The following CCSER1 variants were observed in gnomAD, a reference collection of about 807,000 sequenced individuals.
CCSER1 encodes the protein coiled-coil serine rich protein 1.
CCSER1 carries 41 observed loss-of-function variants against 82.0 expected under a neutral mutation model. The ratio of observed to expected loss-of-function variants is 0.50; its 90% CI spans 0.39 to 0.65. The LOEUF (loss-of-function observed/expected upper bound fraction) is 0.65, where lower values mean the gene tolerates loss of function less well. Among genes scored for constraint, CCSER1 ranks in the 30% least tolerant of loss-of-function variants. The probability of loss-of-function intolerance (pLI) is 0.00; values close to 1 mark genes in which losing one functional copy is unlikely to be tolerated. For synonymous variants in CCSER1, 414 were observed against 383.9 expected, an observed-to-expected ratio of 1.08 and a Z score of -0.92; for missense variants, 1,119 against 1,064.2, an observed-to-expected ratio of 1.05 and a Z score of -0.72.
At chr4:90,705,826 C>G (rs900578822) in intron 6 of CCSER1, among the ~76,000 whole-genome samples, 2 of 152,306 alleles carry the variant, frequency 1.3e-5, no homozygotes, top group Middle Eastern at 3.4e-3. Flanking sequence ...ATTGGAAAAT[C>G]ACAGTATTAG....
chr4:90,989,000 G>T (rs1736810578), intron 9 of CCSER1, among the ~76,000 whole-genome samples: 1 of 151,756 alleles, frequency 6.6e-6, no homozygotes, highest in South Asian at 2.1e-4. Context: ...ATAAGCTACA[G>T]AATATATATT....
intron 9 of CCSER1, among the ~76,000 whole-genome samples, chr4:90,988,259 A>C (rs1736727017): frequency 6.9e-6 from 1 of 144,908 alleles, no homozygotes; most frequent in South Asian, 2.3e-4. Flanking sequence ...CCCTTGAGCC[A>C]GGAAGGTCAA....
At chr4:91,185,399 C>A (rs928925546) in intron 10 of CCSER1, among the ~76,000 whole-genome samples, 2 of 152,240 alleles carry the variant, frequency 1.3e-5, no homozygotes, top group Non-Finnish European at 2.9e-5. Context: ...TTAAACTAGA[C>A]CTTCCTAAAA....
At chr4:90,733,607 T>C (rs1745135286) in intron 7 of CCSER1, among the ~76,000 whole-genome samples, 1 of 152,178 alleles carries the variant, frequency 6.6e-6, no homozygotes. Context: ...GTCTACTCCA[T>C]GGTCCTGGAG....
intron 4 of CCSER1, among the ~76,000 whole-genome samples, chr4:90,411,344 T>C (rs1161832765): frequency 6.6e-6 from 1 of 152,058 alleles, no homozygotes; most frequent in Non-Finnish European, 1.5e-5. Flanking sequence ...GAGACCAATA[T>C]CCCTGATGAA....
chr4:91,313,080 A>G lies in CCSER1; in HGVS notation c.2217+227086A>G, dbSNP rs147022419. ...TGTTCCATGACATTCAAAGATTTTC[A>G]TCCAAGTCTATACATAACACATTTT... is the stretch of plus-strand genomic sequence containing the variant. On this transcript the variant is annotated intron_variant, in intron 10 of 10. Coordinates refer to ENST00000509176, the MANE Select transcript of CCSER1 (RefSeq NM_001145065.2). 2.9e-4 allele frequency among the ~76,000 whole-genome samples: 44 copies of G among 152,032 alleles called. 1 individual carries two copies. The highest frequency in any genetic ancestry group is 1.0e-3 in the African/African-American group (42 of 41,536).
intron 1 of CCSER1, among the ~76,000 whole-genome samples, chr4:90,243,729 C>A (rs1337714412): frequency 1.3e-5 from 2 of 152,036 alleles, no homozygotes; most frequent in African/African-American, 4.8e-5. Flanking sequence ...ACTTGACTTT[C>A]ATTATGTTTT....
intron 10 of CCSER1, among the ~76,000 whole-genome samples, chr4:91,386,273 A>G (rs543623728): frequency 3.3e-5 from 5 of 152,038 alleles, no homozygotes; most frequent in Non-Finnish European, 7.4e-5. Flanking sequence ...GTCACAGGGG[A>G]TATCTTGAAG....
intron 1 of CCSER1, among the ~76,000 whole-genome samples, chr4:90,134,581 A>G (rs575455613): frequency 2.0e-5 from 3 of 152,356 alleles, no homozygotes; most frequent in South Asian, 4.1e-4. Context: ...TCATGCAGAG[A>G]AAGTTCAGAC....
At chr4:91,413,192 C>A (rs552806973) in intron 10 of CCSER1, among the ~76,000 whole-genome samples, 4 of 152,024 alleles carry the variant, frequency 2.6e-5, no homozygotes, top group Non-Finnish European at 5.9e-5. Context: ...CCTGTAATCC[C>A]GGCACTTTGG....
chr4:91,412,980 T>A (rs1410219209), intron 10 of CCSER1, among the ~76,000 whole-genome samples: 1 of 151,368 alleles, frequency 6.6e-6, no homozygotes, highest in African/African-American at 2.4e-5. Context: ...CTAAATGATA[T>A]TAGGAAAAAA....
chr4:90,859,240 G>A (rs1764794047), intron 8 of CCSER1, among the ~76,000 whole-genome samples: 1 of 151,820 alleles, frequency 6.6e-6, no homozygotes, highest in Admixed American at 6.6e-5. Flanking sequence ...CAGGCTAAAG[G>A]AATAATAGGG....
intron 10 of CCSER1, among the ~76,000 whole-genome samples, chr4:91,373,511 A>G (rs1030485386): frequency 3.3e-5 from 5 of 152,122 alleles, no homozygotes; most frequent in Non-Finnish European, 7.4e-5. Flanking sequence ...ACACTGTCAA[A>G]TATGTCTATA....
chr4:91,065,497 C>G lies in CCSER1; in HGVS notation c.2173-20453C>G, dbSNP rs191226080. Among the ~76,000 whole-genome samples, 625 of 152,080 alleles carry G rather than the reference C, an allele frequency of 4.1e-3. 4 individuals are homozygous for G. The highest frequency in any genetic ancestry group is 0.014 in the African/African-American group (598 of 41,514). On this transcript the variant is annotated intron_variant, in intron 9 of 10. Coordinates refer to ENST00000509176, the MANE Select transcript of CCSER1 (RefSeq NM_001145065.2). ...AATTCATACCAAAGGGATTTGTTCACCTATTTTCTATCAAAAAAAATCCCA... is the reference window on the plus strand; with the variant it reads ...AATTCATACCAAAGGGATTTGTTCAGCTATTTTCTATCAAAAAAAATCCCA...
At chr4:90,158,584 G>T (rs750346808) in intron 1 of CCSER1, among the ~76,000 whole-genome samples, 3 of 152,164 alleles carry the variant, frequency 2.0e-5, no homozygotes, top group Non-Finnish European at 4.4e-5. Flanking sequence ...GGGCAATGGC[G>T]GGCTCCCCTC....
intron 4 of CCSER1, among the ~76,000 whole-genome samples, chr4:90,452,173 G>A (rs929480119): frequency 6.6e-6 from 1 of 152,100 alleles, no homozygotes; most frequent in African/African-American, 2.4e-5. Flanking sequence ...ACTTCTGTCT[G>A]TAATGAGAGT....
At chr4:90,717,564 G>A (rs900174496) in intron 6 of CCSER1, among the ~76,000 whole-genome samples, 1 of 152,066 alleles carries the variant, frequency 6.6e-6, no homozygotes, top group Non-Finnish European at 1.5e-5. Flanking sequence ...GAATGAAGTA[G>A]TGGAATCAGC....
At chr4:91,587,200 G>C (rs1764042096) in intron 10 of CCSER1, among the ~76,000 whole-genome samples, 1 of 151,636 alleles carries the variant, frequency 6.6e-6, no homozygotes, top group Non-Finnish European at 1.5e-5. Context: ...AATTTGTCTT[G>C]ATGTTAGAGA....
intron 10 of CCSER1, among the ~76,000 whole-genome samples, chr4:91,354,804 T>C (rs1748712741): frequency 6.6e-6 from 1 of 152,200 alleles, no homozygotes; most frequent in African/African-American, 2.4e-5. Context: ...TGAAGTGACA[T>C]TTAGAGACTG....
Sources: allele counts gnomAD v4.1 joint callset (sites outside exome capture counted in the v4.1 genomes callset), GRCh38; gene constraint gnomAD v4.1.1; transcripts MANE v1.5; gene names NCBI Gene and HGNC (gene_info 2026-07-23, HGNC 2026-07-21).